ACSL1: variants seen among roughly 807,000 people sequenced by gnomAD.
ACSL1 encodes the protein acyl-CoA synthetase long chain family member 1.
Under a neutral mutation model 98.4 loss-of-function variants are expected in ACSL1, and 41 were observed. That is an observed-to-expected ratio of 0.42 (90% CI 0.32 to 0.54). The LOEUF (loss-of-function observed/expected upper bound fraction) is 0.54. Among genes scored for constraint, ACSL1 ranks in the 20% least tolerant of loss-of-function variants. ACSL1 has a pLI of 0.13. For synonymous variants in ACSL1, 316 were observed against 322.7 expected, an observed-to-expected ratio of 0.98 and a Z score of 0.22; for missense variants, 734 against 883.1, an observed-to-expected ratio of 0.83 and a Z score of 2.14.
At position 184,813,128 on chromosome 4, in the gene ACSL1, G is replaced by A. The variant is rs375374655; in HGVS notation, c.-32-9582C>T. On this transcript the variant is annotated intron_variant, in intron 1 of 20. Coordinates refer to ENST00000281455, the MANE Select transcript of ACSL1 (RefSeq NM_001995.5). ...ATGTACATCCACTTGAGAAAATGATGATTATAGTTAGGACATGCCCCATGA... is the reference window on the plus strand; with the variant it reads ...ATGTACATCCACTTGAGAAAATGATAATTATAGTTAGGACATGCCCCATGA... 4.5e-4 allele frequency among the ~76,000 whole-genome samples: 68 copies of A among 152,280 alleles called. 1 individual carries two copies. In the South Asian group the frequency reaches 0.013, roughly 30 times the overall value.
intron 1 of ACSL1, among the ~76,000 whole-genome samples, chr4:184,824,711 A>G (rs1256348417): frequency 6.6e-6 from 1 of 152,172 alleles, no homozygotes; most frequent in African/African-American, 2.4e-5. Flanking sequence ...TCTGGCTCCA[A>G]TCTGATGGCG....
chr4:184,796,718 T>G (rs185120662), intron 2 of ACSL1, among the ~76,000 whole-genome samples: 76 of 152,322 alleles, frequency 5.0e-4, no homozygotes, highest in African/African-American at 1.7e-3. Flanking sequence ...TCTTCTGAAG[T>G]CTCACACAGG....
At chr4:184,819,123 C>T (rs1772854817) in intron 1 of ACSL1, among the ~76,000 whole-genome samples, 3 of 149,224 alleles carry the variant, frequency 2.0e-5, no homozygotes, top group African/African-American at 5.0e-5. Flanking sequence ...ACATGGGCAT[C>T]GTACCATTTA....
At chr4:184,823,405 C>T (rs557903188) in intron 1 of ACSL1, among the ~76,000 whole-genome samples, 1 of 152,322 alleles carries the variant, frequency 6.6e-6, no homozygotes, top group African/African-American at 2.4e-5. Context: ...CAAATGGGCA[C>T]CTGTTTTAAA....
rs79539566 is a variant in ACSL1 at position 184,778,884 on chromosome 4, G to A, written c.477+1448C>T. Among the ~76,000 whole-genome samples, 389 of 152,092 alleles carry A rather than the reference G, an allele frequency of 2.6e-3. 18 individuals carry two copies. The East Asian group carries it at 0.068, about 27-fold the overall frequency. The stretch of plus-strand genomic sequence containing the variant: ...CAAGCCCAGTCACAGTCCAGCTGTG[G>A]AGAATGCTGTTTTCCCCTTGAAAGA... On this transcript the variant is annotated intron_variant, in intron 5 of 20. Coordinates refer to ENST00000281455, the MANE Select transcript of ACSL1 (RefSeq NM_001995.5).
chr4:184,804,558 G>A (rs1481626507), intron 1 of ACSL1, among the ~76,000 whole-genome samples: 2 of 150,452 alleles, frequency 1.3e-5, no homozygotes, highest in Non-Finnish European at 2.9e-5. Flanking sequence ...TCCAATCTGG[G>A]CAACAAAGTG....
At chr4:184,809,995 G>A (rs1318907415) in intron 1 of ACSL1, among the ~76,000 whole-genome samples, 1 of 152,146 alleles carries the variant, frequency 6.6e-6, no homozygotes, top group East Asian at 1.9e-4. Flanking sequence ...TTGAAGTCAT[G>A]TATGTGCTAC....
At chr4:184,782,485 G>GT (rs980543978) in intron 4 of ACSL1, among the ~76,000 whole-genome samples, 33 of 152,238 alleles carry the variant, frequency 2.2e-4, no homozygotes, top group African/African-American at 7.9e-4. Context: ...TGCAATGGAC[G>GT]TGTCTTCTCT....
chr4:184,769,937 T>C (rs1764236508), intron 11 of ACSL1, among the ~76,000 whole-genome samples: 2 of 152,138 alleles, frequency 1.3e-5, no homozygotes, highest in South Asian at 4.1e-4. Flanking sequence ...GCTGAAAAAA[T>C]TAGTCGCAAG....
chr4:184,825,579 C>G lies in ACSL1; in HGVS notation c.-33+337G>C, dbSNP rs531068222. 6.6e-6 allele frequency among the ~76,000 whole-genome samples: 1 copy of G among 151,484 alleles called. No homozygotes were observed. Among genetic ancestry groups the G allele is most frequent in the Non-Finnish European group, 1.5e-5 (1 of 67,800 alleles). On this transcript the variant is annotated intron_variant, in intron 1 of 20. Coordinates refer to ENST00000281455, the MANE Select transcript of ACSL1 (RefSeq NM_001995.5). The surrounding 1 kb of genome is among the most constrained non-coding windows in gnomAD (Gnocchi z 4.7). ...CCAGCCGAAGCGCGGCCTCCGGCTG[C>G]TTCGCCGGGCCGGTCCCCGCCGCCG...
Position 184,765,844 on chromosome 4 carries a change from T to A in ACSL1, c.1359+47A>T, listed in dbSNP as rs759723545. 9.0e-6 allele frequency: 14 copies of A among 1,555,898 alleles called. No individual in the cohort carries two copies. In the Middle Eastern group the frequency reaches 1.0e-3, roughly 113 times the overall value. ...GATGACTTTTGGTGCAGAAGAGGAC[T>A]GGGCATCCTAGTGTGGGAGAATCAG... On this transcript the variant is annotated intron_variant, in intron 14 of 20. Coordinates refer to ENST00000281455, the MANE Select transcript of ACSL1 (RefSeq NM_001995.5).
At chr4:184,765,545 C>T (rs1763460426) in intron 14 of ACSL1, among the ~76,000 whole-genome samples, 1 of 152,012 alleles carries the variant, frequency 6.6e-6, no homozygotes, top group Middle Eastern at 3.2e-3. Flanking sequence ...AAGTCTCCAT[C>T]AGGAGGAACT....
chr4:184,805,159 C>G (rs1011400309), intron 1 of ACSL1, among the ~76,000 whole-genome samples: 1 of 152,110 alleles, frequency 6.6e-6, no homozygotes, highest in Non-Finnish European at 1.5e-5. Flanking sequence ...CCAACAGACA[C>G]GTGAAAAAAT....
chr4:184,794,013 A>G (rs58824223), intron 2 of ACSL1, among the ~76,000 whole-genome samples: 2,266 of 152,340 alleles, frequency 0.015, 56 homozygotes, highest in African/African-American at 0.052. Flanking sequence ...AGTAGCTGTT[A>G]TACCGTATTG....
At chr4:184,818,462 G>A (rs1772805226) in intron 1 of ACSL1, among the ~76,000 whole-genome samples, 1 of 152,148 alleles carries the variant, frequency 6.6e-6, no homozygotes, top group African/African-American at 2.4e-5. Context: ...ACAGACTTTC[G>A]ATGCCTTGAT....
At chr4:184,797,207 C>T (rs1329180991) in intron 2 of ACSL1, among the ~76,000 whole-genome samples, 3 of 152,176 alleles carry the variant, frequency 2.0e-5, no homozygotes, top group South Asian at 2.1e-4. Context: ...GGTGTCTCGC[C>T]GCCCTTAGCG....
At chr4:184,775,107 A>G (rs954295333) in intron 7 of ACSL1, among the ~76,000 whole-genome samples, 1 of 152,204 alleles carries the variant, frequency 6.6e-6, no homozygotes, top group African/African-American at 2.4e-5. Flanking sequence ...AAAGTTTCAC[A>G]GCCTTACATC....
intron 1 of ACSL1, among the ~76,000 whole-genome samples, chr4:184,816,319 G>A (rs1032811895): frequency 7.9e-5 from 12 of 152,088 alleles, no homozygotes; most frequent in African/African-American, 1.7e-4. Flanking sequence ...TTAGCTCATC[G>A]TATTGGGAAG....
rs933162402 is a variant in ACSL1 at position 184,776,390 on chromosome 4, T to C, written c.756+94A>G. On this transcript the variant is annotated intron_variant, in intron 7 of 20. Transcript: ENST00000281455. ...GGAGGCAACCGGCCAGCGCTGGGAC[T>C]GCACCATAGCACTAGATAGCACTGG... The C allele has an allele frequency of 8.8e-5, 124 of 1,403,880 alleles. No homozygotes were observed. The highest frequency in any genetic ancestry group is 5.3e-4 in the Middle Eastern group (2 of 3,804). 87.0% of individuals were successfully genotyped at this position (1,403,880 alleles called of 1,614,324 possible). A position where few individuals can be genotyped will look rare whatever the true frequency, so the allele number is the denominator to read the frequency against.
Sources: allele counts gnomAD v4.1 joint callset (sites outside exome capture counted in the v4.1 genomes callset), GRCh38; gene constraint gnomAD v4.1.1; non-coding constraint Gnocchi (gnomAD v3.1); transcripts MANE v1.5; gene names NCBI Gene and HGNC (gene_info 2026-07-23, HGNC 2026-07-21).